Variants in MEGF10 observed in about 807,000 individuals in gnomAD.
MEGF10 encodes multiple EGF like domains 10, also known as multiple epidermal growth factor-like domains protein 10.
Under a neutral mutation model 147.5 loss-of-function variants are expected in MEGF10, and 86 were observed. The observed-to-expected ratio is 0.58, with a 90% CI of 0.49 to 0.70. The LOEUF (loss-of-function observed/expected upper bound fraction) is 0.70. MEGF10 is among the 30% of genes least tolerant of loss of function. The probability of loss-of-function intolerance (pLI) is 0.00; values close to 1 mark genes in which losing one functional copy is unlikely to be tolerated. For synonymous variants in MEGF10, 478 were observed against 525.5 expected, an observed-to-expected ratio of 0.91 and a Z score of 1.24; for missense variants, 1,329 against 1,487.3, an observed-to-expected ratio of 0.89 and a Z score of 1.75.
intron 12 of MEGF10, among the ~76,000 whole-genome samples, chr5:127,420,742 T>C (rs1764965686): frequency 6.6e-6 from 1 of 152,250 alleles, no homozygotes; most frequent in Non-Finnish European, 1.5e-5. Flanking sequence ...TGACCTACTT[T>C]GGAGATACAG....
At chr5:127,391,634 G>C (rs1408779413) in intron 5 of MEGF10, among the ~76,000 whole-genome samples, 1 of 151,198 alleles carries the variant, frequency 6.6e-6, no homozygotes, top group Non-Finnish European at 1.5e-5. Context: ...CATTATCACT[G>C]TAAGTATCAG....
intron 5 of MEGF10, among the ~76,000 whole-genome samples, chr5:127,375,407 T>C (rs1762987413): frequency 6.6e-6 from 1 of 152,224 alleles, no homozygotes; most frequent in African/African-American, 2.4e-5. Context: ...GTATTCTCTG[T>C]ATAAAAAACC....
At chr5:127,292,588 A>G (rs1321038958) in intron 1 of MEGF10, among the ~76,000 whole-genome samples, 2 of 152,076 alleles carry the variant, frequency 1.3e-5, no homozygotes, top group Non-Finnish European at 2.9e-5. Flanking sequence ...TGATCTTTGT[A>G]TTGCTTTTTT....
upstream of MEGF10, among the ~76,000 whole-genome samples, chr5:127,288,436 A>G (rs1212007013): frequency 2.0e-5 from 3 of 152,152 alleles, no homozygotes; most frequent in Non-Finnish European, 4.4e-5. Context: ...AAATTCAGAC[A>G]CTTTATCAAA....
At chr5:127,293,893 A>G (rs182838850) in intron 1 of MEGF10, among the ~76,000 whole-genome samples, 1 of 152,308 alleles carries the variant, frequency 6.6e-6, no homozygotes, top group Non-Finnish European at 1.5e-5. Context: ...CCTTACCGCT[A>G]TACACAAGAC....
intron 4 of MEGF10, among the ~76,000 whole-genome samples, chr5:127,343,258 A>G (rs1050271317): frequency 6.6e-6 from 1 of 152,172 alleles, no homozygotes; most frequent in Non-Finnish European, 1.5e-5. Context: ...GTTTACCTAG[A>G]AGGAAAACAA....
chr5:127,432,004 G>T (rs567485905), intron 13 of MEGF10, among the ~76,000 whole-genome samples: 5 of 151,946 alleles, frequency 3.3e-5, no homozygotes, highest in Non-Finnish European at 7.4e-5. Context: ...CAACATAGTA[G>T]GCCCAGATTT....
chr5:127,303,908 T>G (rs1331514442), intron 1 of MEGF10, among the ~76,000 whole-genome samples: 2 of 152,214 alleles, frequency 1.3e-5, no homozygotes, highest in Admixed American at 6.5e-5. Flanking sequence ...TGTTATGAAG[T>G]TTAATTGAGA....
chr5:127,397,992 A>G (rs1352586508), intron 6 of MEGF10, among the ~76,000 whole-genome samples: 1 of 148,862 alleles, frequency 6.7e-6, no homozygotes, highest in Non-Finnish European at 1.5e-5. Flanking sequence ...GCATGTTCTC[A>G]CTCATAAGTG....
chr5:127,265,521 T>C, the MEGF10 span, among the ~76,000 whole-genome samples: 1 of 152,170 alleles, frequency 6.6e-6, no homozygotes. Flanking sequence ...GTTGAACTAG[T>C]ATGCAGTCCC....
chr5:127,417,733 G>T lies in MEGF10; in HGVS notation c.1226G>T (p.Cys409Phe). 2 of 1,614,140 alleles carry T rather than the reference G, an allele frequency of 1.2e-6. No individual in the cohort carries two copies. The highest frequency in any genetic ancestry group is 1.7e-6 in the Non-Finnish European group (2 of 1,180,032). Residue 409 changes from cysteine to phenylalanine, a missense_variant, in exon 10 of 25, where the codon TGC (cysteine) becomes TTC (phenylalanine). By Grantham distance (205) the Cys-to-Phe change is radical (BLOSUM62 -2). Transcript: ENST00000503335. ...TCSPGFYGEA[C>F]QQICSCQNGA... ...TCTCCTGGATTCTACGGGGAAGCTT[G>T]CCAGCAGATCTGCAGCTGCCAAAAT...
the MEGF10 span, among the ~76,000 whole-genome samples, chr5:127,242,766 A>G: frequency 2.6e-5 from 4 of 152,210 alleles, no homozygotes; most frequent in African/African-American, 9.6e-5. Context: ...ACAGACATTT[A>G]AAAATGAATT....
chr5:127,454,142 T>C (rs1462783383), intron 22 of MEGF10, among the ~76,000 whole-genome samples: 2 of 152,218 alleles, frequency 1.3e-5, no homozygotes. Context: ...GAAAACATGC[T>C]TATAGTGAAG....
At chr5:127,396,237 A>G (rs1005453343) in intron 5 of MEGF10, among the ~76,000 whole-genome samples, 1 of 152,162 alleles carries the variant, frequency 6.6e-6, no homozygotes. Context: ...TTCTCTAGCC[A>G]CATCAAACTC....
intron 22 of MEGF10, among the ~76,000 whole-genome samples, chr5:127,452,937 C>G (rs1221526250): frequency 6.6e-6 from 1 of 152,144 alleles, no homozygotes; most frequent in African/African-American, 2.4e-5. Flanking sequence ...GAGAGTGTGC[C>G]TGAGAGAGGA....
intron 5 of MEGF10, among the ~76,000 whole-genome samples, chr5:127,382,964 A>T (rs1261723008): frequency 1.3e-5 from 2 of 152,228 alleles, no homozygotes; most frequent in Non-Finnish European, 2.9e-5. Context: ...GTTGCCAAGG[A>T]TGTGAAAGGA....
chr5:127,339,626 T>C (rs141295306), intron 3 of MEGF10, among the ~76,000 whole-genome samples: 286 of 152,244 alleles, frequency 1.9e-3, no homozygotes, highest in African/African-American at 6.5e-3. Flanking sequence ...AAACAAGATG[T>C]ATTTTTTTTC....
At chr5:127,416,116 C>T (rs1764763641) in intron 9 of MEGF10, among the ~76,000 whole-genome samples, 3 of 151,942 alleles carry the variant, frequency 2.0e-5, no homozygotes. Context: ...CAAGCTCCAC[C>T]TCCCAGGTTC....
intron 22 of MEGF10, 63 bp from the exon 23 acceptor site, chr5:127,454,503 A>G (rs536705613): frequency 6.8e-7 from 1 of 1,469,134 alleles, no homozygotes; most frequent in Non-Finnish European, 9.3e-7. Context: ...ACCTTGGGAT[A>G]TTGGATGGGG....
Sources: gnomAD v4.1 joint callset for allele counts (sites outside exome capture counted in the v4.1 genomes callset) on GRCh38, gnomAD v4.1.1 for gene constraint, MANE v1.5 for transcripts, NCBI Gene and HGNC (gene_info 2026-07-23, HGNC 2026-07-21) for gene names.